SUFU: variants seen among roughly 807,000 people sequenced by gnomAD.
SUFU encodes suppressor of fused homolog.
SUFU carries 7 observed loss-of-function variants against 58.9 expected under a neutral mutation model. That is an observed-to-expected ratio of 0.12 (90% CI 0.07 to 0.22). The LOEUF (loss-of-function observed/expected upper bound fraction) is 0.22, where lower values mean the gene tolerates loss of function less well. SUFU is among the 10% of genes least tolerant of loss of function. The pLI is 1.00. For synonymous variants in SUFU, 232 were observed against 254.8 expected, an observed-to-expected ratio of 0.91 and a Z score of 0.85; for missense variants, 451 against 641.3, an observed-to-expected ratio of 0.70 and a Z score of 3.20.
intron 2 of SUFU, among the ~76,000 whole-genome samples, chr10:102,521,535 G>A (rs571263646): frequency 6.6e-6 from 1 of 152,242 alleles, no homozygotes; most frequent in East Asian, 1.9e-4. Context: ...TCCAATGATG[G>A]TGTCTTCCAT....
chr10:102,557,905 A>AT lies in SUFU; in HGVS notation c.454+7812dup, dbSNP rs757378999. Among the ~76,000 whole-genome samples the AT allele has an allele frequency of 2.7e-3, 385 of 143,292 alleles. No individual in the cohort carries two copies. In the Middle Eastern group the frequency reaches 0.029, roughly 11 times the overall value. 94.0% of individuals were successfully genotyped at this position (143,292 alleles called of 152,430 possible). On this transcript the variant is annotated intron_variant, in intron 3 of 11. Transcript: ENST00000369902. ...TCGGTGTTTTGTTTGTTTTTTACTG[A>AT]TTTTTTTTTTTTTGAGACGGAGTCT...
At chr10:102,504,639 G>T (rs2062300668) in intron 1 of SUFU, among the ~76,000 whole-genome samples, 1 of 150,596 alleles carries the variant, frequency 6.6e-6, no homozygotes, top group African/African-American at 2.4e-5. Flanking sequence ...GGTGAAAAGA[G>T]GGGGCGCCTG....
At chr10:102,555,992 T>C (rs1185243515) in intron 3 of SUFU, among the ~76,000 whole-genome samples, 1 of 152,226 alleles carries the variant, frequency 6.6e-6, no homozygotes, top group Non-Finnish European at 1.5e-5. Flanking sequence ...TGGGGAGCAC[T>C]CCACCCACCC....
intron 1 of SUFU, among the ~76,000 whole-genome samples, chr10:102,506,648 G>C (rs1589972914): frequency 6.6e-6 from 1 of 152,352 alleles, no homozygotes; most frequent in African/African-American, 2.4e-5. Flanking sequence ...CAAAGTGCTA[G>C]GATTACAGGC....
At chr10:102,599,394 C>T in intron 7 of SUFU, 39 bp from the exon 8 acceptor site, 3 of 1,502,738 alleles carry the variant, frequency 2.0e-6, no homozygotes, top group Non-Finnish European at 9.3e-7. Context: ...TTGCTGGGAG[C>T]CCACTGGGCC....
intron 3 of SUFU, among the ~76,000 whole-genome samples, chr10:102,564,218 C>T (rs1445348675): frequency 6.6e-6 from 1 of 152,252 alleles, no homozygotes; most frequent in Non-Finnish European, 1.5e-5. Context: ...TTCTCATCTA[C>T]AGCTCACCTG....
At chr10:102,560,202 T>C (rs1249246104) in intron 3 of SUFU, among the ~76,000 whole-genome samples, 1 of 152,200 alleles carries the variant, frequency 6.6e-6, no homozygotes, top group Non-Finnish European at 1.5e-5. Context: ...CCTTCATAAT[T>C]CATTCCCTCA....
At chr10:102,564,333 C>A (rs1316457297) in intron 3 of SUFU, among the ~76,000 whole-genome samples, 2 of 152,114 alleles carry the variant, frequency 1.3e-5, no homozygotes, top group Non-Finnish European at 2.9e-5. Context: ...AGCTGTCAAG[C>A]TGTATCTCTC....
chr10:102,545,471 A>G (rs1371153463), intron 2 of SUFU, among the ~76,000 whole-genome samples: 1 of 151,930 alleles, frequency 6.6e-6, no homozygotes, highest in Non-Finnish European at 1.5e-5. Context: ...TTAGGAGTGG[A>G]ATTGCTGGAT....
intron 2 of SUFU, among the ~76,000 whole-genome samples, chr10:102,518,863 G>T (rs980348457): frequency 2.0e-5 from 3 of 151,514 alleles, no homozygotes; most frequent in African/African-American, 7.3e-5. Context: ...GGTCTGGCCG[G>T]GTGCGGTGGC....
intron 10 of SUFU, among the ~76,000 whole-genome samples, chr10:102,621,549 C>G (rs1306740897): frequency 6.6e-6 from 1 of 152,154 alleles, no homozygotes; most frequent in Non-Finnish European, 1.5e-5. Flanking sequence ...GGGGTGTTCT[C>G]CAGGCTGTTT....
chr10:102,523,300 C>T (rs2062572303), intron 2 of SUFU, among the ~76,000 whole-genome samples: 1 of 152,146 alleles, frequency 6.6e-6, no homozygotes, highest in Admixed American at 6.5e-5. Context: ...TAGTACTAAC[C>T]CTCATGTGAT....
chr10:102,627,321 A>G, intron 11 of SUFU, 78 bp downstream of exon 11: 2 of 1,311,876 alleles, frequency 1.5e-6, no homozygotes, highest in Admixed American at 3.4e-5. Context: ...ACGTCTGTGC[A>G]TGCATGTGTG....
upstream of SUFU, among the ~76,000 whole-genome samples, chr10:102,502,919 C>T (rs1232190607): frequency 1.3e-5 from 2 of 152,192 alleles, no homozygotes; most frequent in Admixed American, 6.5e-5. Context: ...GCCAGAGACA[C>T]AGGTTGATGG....
chr10:102,509,231 C>T lies in SUFU; in HGVS notation c.245C>T (p.Ala82Val). 6.2e-7 allele frequency: 1 copy of T among 1,614,216 alleles called. No homozygotes were observed. The highest frequency in any genetic ancestry group is 1.3e-5 in the African/African-American group (1 of 75,058). Reference protein sequence around the residue: ...SMYRNVGSPSANIPEHWHYIS... With the variant: ...SMYRNVGSPSVNIPEHWHYIS... The stretch of plus-strand genomic sequence containing the variant: ...TACAGGAATGTGGGGAGCCCTTCTG[C>T]TAACATCCCCGAGCACTGGCACTAC... Residue 82 changes from alanine to valine, a missense_variant, in exon 2 of 12, where the codon GCT becomes GTT. Ala to Val is a moderately conservative substitution (Grantham distance 64). Transcript: ENST00000369902.
intron 3 of SUFU, chr10:102,572,729 T>C (rs1213580833): frequency 1.4e-6 from 1 of 724,128 alleles, no homozygotes; most frequent in Non-Finnish European, 2.5e-6. Flanking sequence ...GATATACATA[T>C]ATTTAGAATT....
intron 1 of SUFU, among the ~76,000 whole-genome samples, chr10:102,507,749 T>C (rs2062346491): frequency 6.6e-6 from 1 of 152,222 alleles, no homozygotes; most frequent in Non-Finnish European, 1.5e-5. Flanking sequence ...GTAACATGTC[T>C]TTTATTTGGT....
intron 3 of SUFU, among the ~76,000 whole-genome samples, chr10:102,583,487 A>C (rs887527679): frequency 6.6e-6 from 1 of 152,132 alleles, no homozygotes; most frequent in African/African-American, 2.4e-5. Context: ...TCCCTTTCCC[A>C]GCTGCCTAAA....
intron 3 of SUFU, among the ~76,000 whole-genome samples, chr10:102,581,143 G>A (rs1222807812): frequency 3.1e-5 from 4 of 127,218 alleles, no homozygotes. Flanking sequence ...TTGTGTCATT[G>A]CACTCCAGCC....
Sources: allele counts gnomAD v4.1 joint callset (sites outside exome capture counted in the v4.1 genomes callset), GRCh38; gene constraint gnomAD v4.1.1; transcripts MANE v1.5; gene names NCBI Gene and HGNC (gene_info 2026-07-23, HGNC 2026-07-21).